The following MTUS2 variants were observed in gnomAD, a reference collection of about 807,000 sequenced individuals.
MTUS2 encodes the protein microtubule-associated tumor suppressor candidate 2.
MTUS2 carries 40 observed loss-of-function variants against 114.1 expected under a neutral mutation model. The ratio of observed to expected loss-of-function variants is 0.35; its 90% CI spans 0.27 to 0.46. The LOEUF (loss-of-function observed/expected upper bound fraction) is 0.46. Ranked by LOEUF, MTUS2 falls within the 20% of genes least tolerant of loss-of-function variation. The pLI is 1.00. For missense variants in MTUS2, 1,679 were observed against 1,705.4 expected (o/e 0.98, Z 0.27); for synonymous variants, 688 against 672.0 (o/e 1.02, Z -0.37).
At chr13:29,297,352 C>T (rs970855262) in intron 6 of MTUS2, among the ~76,000 whole-genome samples, 1 of 151,936 alleles carries the variant, frequency 6.6e-6, no homozygotes, top group Non-Finnish European at 1.5e-5. Context: ...AAAAAAGATA[C>T]GTTTGTTAAG....
chr13:28,823,485 C>T (rs753054955), intron 1 of MTUS2, among the ~76,000 whole-genome samples: 1 of 152,180 alleles, frequency 6.6e-6, no homozygotes, highest in Non-Finnish European at 1.5e-5. Flanking sequence ...TTCCCACCAA[C>T]GGGTATACCT....
chr13:29,230,580 G>T (rs951892130), intron 5 of MTUS2, among the ~76,000 whole-genome samples: 28 of 152,216 alleles, frequency 1.8e-4, no homozygotes, highest in African/African-American at 6.0e-4. Flanking sequence ...TTCAGTGAGA[G>T]GGTTGGTCTG....
At chr13:29,061,054 G>A (rs1168769948) in intron 4 of MTUS2, among the ~76,000 whole-genome samples, 2 of 152,066 alleles carry the variant, frequency 1.3e-5, no homozygotes, top group Non-Finnish European at 2.9e-5. Context: ...GCCTCCCAAA[G>A]TGCTGGGATT....
intron 2 of MTUS2, among the ~76,000 whole-genome samples, chr13:28,891,599 G>T (rs1878927077): frequency 1.3e-5 from 2 of 152,042 alleles, no homozygotes; most frequent in South Asian, 4.2e-4. Context: ...ATAACAACAG[G>T]CTGGGCACGG....
At chr13:29,106,769 G>A (rs1890687601) in intron 5 of MTUS2, among the ~76,000 whole-genome samples, 1 of 152,008 alleles carries the variant, frequency 6.6e-6, no homozygotes, top group Admixed American at 6.6e-5. Flanking sequence ...TGTTAAAACT[G>A]TGGCAGTGCT....
Position 29,361,988 on chromosome 13 carries a change from C to T in MTUS2, c.3117+2515C>T, listed in dbSNP as rs988558704. ...CCAGTGGTGAGACCTTGAGCAAGTT[C>T]CTGCCTCTGTGCACTTCGTCATCAT... On this transcript the variant is annotated intron_variant, in intron 8 of 15. Coordinates refer to ENST00000612955, the MANE Select transcript of MTUS2 (RefSeq NM_001033602.4). 3.0e-4 allele frequency among the ~76,000 whole-genome samples: 46 copies of T among 152,204 alleles called. 1 individual carries two copies. The highest frequency in any genetic ancestry group is 1.0e-3 in the African/African-American group (43 of 41,442).
At chr13:28,958,944 C>A (rs1883194786) in intron 2 of MTUS2, among the ~76,000 whole-genome samples, 1 of 152,140 alleles carries the variant, frequency 6.6e-6, no homozygotes, top group Admixed American at 6.5e-5. Context: ...ACAAGCTGGA[C>A]TTATGCTTCT....
chr13:29,498,914 G>A (rs1011240246), intron 14 of MTUS2, among the ~76,000 whole-genome samples: 2 of 152,206 alleles, frequency 1.3e-5, no homozygotes. Context: ...TCCTACGGCT[G>A]CCTGTGGAGC....
At chr13:29,097,584 T>A (rs1890231542) in intron 4 of MTUS2, among the ~76,000 whole-genome samples, 1 of 152,216 alleles carries the variant, frequency 6.6e-6, no homozygotes, top group South Asian at 2.1e-4. Flanking sequence ...TCCAGCCGTA[T>A]AACAAAGTAC....
intron 9 of MTUS2, among the ~76,000 whole-genome samples, chr13:29,454,901 G>A (rs573494131): frequency 4.0e-4 from 61 of 152,252 alleles, no homozygotes; most frequent in African/African-American, 1.4e-3. Flanking sequence ...AGCCATAATA[G>A]CATAACTGTT....
At chr13:28,832,239 A>G (rs1209675140) in intron 1 of MTUS2, among the ~76,000 whole-genome samples, 2 of 152,234 alleles carry the variant, frequency 1.3e-5, no homozygotes, top group Non-Finnish European at 2.9e-5. Flanking sequence ...GCCTGTAGGA[A>G]ATTCTTTAAA....
At chr13:29,357,708 T>G (rs935996771) in intron 7 of MTUS2, among the ~76,000 whole-genome samples, 5 of 152,224 alleles carry the variant, frequency 3.3e-5, no homozygotes, top group Non-Finnish European at 7.3e-5. Context: ...TCTGGAATAT[T>G]ATGTATTCTG....
rs144403873 is a variant in MTUS2 at position 29,349,595 on chromosome 13, G to T, written c.2906-9667G>T. Among the ~76,000 whole-genome samples, 1,161 of 151,578 alleles carry T rather than the reference G, an allele frequency of 7.7e-3. 15 individuals carry two copies. The highest frequency in any genetic ancestry group is 0.027 in the African/African-American group (1,113 of 41,358). On this transcript the variant is annotated intron_variant, in intron 7 of 15. Transcript: ENST00000612955. ...AGATTTGCTCGTGGTGAATTCTTTT[G>T]GTTTTTGTTCACCTATACTTTTGAT...
intron 8 of MTUS2, among the ~76,000 whole-genome samples, chr13:29,411,493 G>GGGGCCC: frequency 6.6e-6 from 1 of 152,158 alleles, no homozygotes; most frequent in Admixed American, 6.5e-5. Context: ...ATGTTTTAAT[G>GGGGCCC]TCTGATAGAT....
At position 28,955,157 on chromosome 13, in the gene MTUS2, CT is replaced by C. The variant is rs1472194368; in HGVS notation, c.-242-69296del. ...TGCCCTTTCTAACCTATGACACTGTCTTTTACCCACATGTTACATCTGCGCC... is the reference window on the plus strand; with the variant it reads ...TGCCCTTTCTAACCTATGACACTGTCTTTACCCACATGTTACATCTGCGCC... On this transcript the variant is annotated intron_variant, in intron 2 of 15. Coordinates refer to ENST00000612955, the MANE Select transcript of MTUS2 (RefSeq NM_001033602.4). 2.0e-5 allele frequency among the ~76,000 whole-genome samples: 3 copies of C among 152,106 alleles called. No individual in the cohort carries two copies. In the East Asian group the frequency reaches 5.8e-4, roughly 30 times the overall value.
intron 10 of MTUS2, chr13:29,482,350 G>T (rs147795372): frequency 6.6e-6 from 1 of 152,200 alleles, no homozygotes; most frequent in Non-Finnish European, 1.5e-5. Flanking sequence ...TTAAAGCCGG[G>T]ACACGGCGGC....
chr13:29,340,338 A>G (rs1440424767), intron 7 of MTUS2, among the ~76,000 whole-genome samples: 1 of 152,244 alleles, frequency 6.6e-6, no homozygotes, highest in Non-Finnish European at 1.5e-5. Flanking sequence ...TGAAAACTGC[A>G]GATGCCTGTT....
intron 6 of MTUS2, among the ~76,000 whole-genome samples, chr13:29,297,999 C>G (rs1301278133): frequency 6.6e-6 from 1 of 152,164 alleles, no homozygotes. Flanking sequence ...AAAAGTTTTT[C>G]TGCTGTTCAT....
chr13:29,278,778 A>G (rs538613035), intron 5 of MTUS2, among the ~76,000 whole-genome samples: 3 of 152,192 alleles, frequency 2.0e-5, no homozygotes, highest in Non-Finnish European at 4.4e-5. Context: ...CAATTGTGTT[A>G]TCCTCACCTT....
Sources: gnomAD v4.1 joint callset for allele counts (sites outside exome capture counted in the v4.1 genomes callset) on GRCh38, gnomAD v4.1.1 for gene constraint, MANE v1.5 for transcripts, NCBI Gene and HGNC (gene_info 2026-07-23, HGNC 2026-07-21) for gene names.